Variants in ANO10 observed in about 807,000 individuals in gnomAD.
ANO10 encodes anoctamin 10, also known as anoctamin-10.
ANO10 carries 77 observed loss-of-function variants against 74.7 expected under a neutral mutation model. The ratio of observed to expected loss-of-function variants is 1.03; its 90% CI spans 0.86 to 1.25. ANO10 has a LOEUF of 1.25. Ranked by LOEUF, ANO10 falls within the 50% of genes most tolerant of loss-of-function variation. ANO10 has a pLI of 0.00. For synonymous variants in ANO10, 279 were observed against 284.9 expected (o/e 0.98, Z 0.21); for missense variants, 721 against 778.1 (o/e 0.93, Z 0.87).
intron 11 of ANO10, among the ~76,000 whole-genome samples, chr3:43,489,698 T>G (rs985046761): frequency 6.6e-6 from 1 of 152,158 alleles, no homozygotes. Context: ...GAACATATAG[T>G]TCAATTAACT....
chr3:43,510,880 A>C (rs2077483359), intron 11 of ANO10, among the ~76,000 whole-genome samples: 1 of 152,210 alleles, frequency 6.6e-6, no homozygotes, highest in Non-Finnish European at 1.5e-5. Context: ...TATGCTATTC[A>C]TATCTCCAGC....
chr3:43,403,437 G>A (rs1009709853), intron 12 of ANO10, among the ~76,000 whole-genome samples: 1 of 152,260 alleles, frequency 6.6e-6, no homozygotes, highest in Non-Finnish European at 1.5e-5. Flanking sequence ...CACATGAGGA[G>A]CTGGGGGGCT....
At chr3:43,686,712 A>G (rs145794924) in intron 1 of ANO10, among the ~76,000 whole-genome samples, 210 of 152,374 alleles carry the variant, frequency 1.4e-3, no homozygotes, top group African/African-American at 4.9e-3. Flanking sequence ...CACACTAGCC[A>G]AATTTCAGAT....
At chr3:43,480,616 A>G (rs2149084147) in intron 11 of ANO10, among the ~76,000 whole-genome samples, 2 of 152,248 alleles carry the variant, frequency 1.3e-5, no homozygotes, top group Middle Eastern at 3.4e-3. Flanking sequence ...AAGATAAAGG[A>G]GGGGGTTACA....
chr3:43,411,527 A>G (rs56209592), intron 12 of ANO10, among the ~76,000 whole-genome samples: 3,593 of 152,250 alleles, frequency 0.024, 150 homozygotes, highest in African/African-American at 0.081. Context: ...AATAGACACT[A>G]TATTTTTCTT....
chr3:43,656,025 C>G (rs1413655598), intron 1 of ANO10, among the ~76,000 whole-genome samples: 62 of 101,338 alleles, frequency 6.1e-4, no homozygotes, highest in Non-Finnish European at 1.8e-4. Flanking sequence ...CCCACCAGAG[C>G]AGCTAGATAC....
chr3:43,418,205 A>C (rs1189197445), intron 12 of ANO10, among the ~76,000 whole-genome samples: 1 of 152,256 alleles, frequency 6.6e-6, no homozygotes, highest in African/African-American at 2.4e-5. Flanking sequence ...TGAAACTGGG[A>C]GGCAGAAGTT....
intron 1 of ANO10, among the ~76,000 whole-genome samples, chr3:43,618,371 T>C (rs1291787434): frequency 6.6e-6 from 1 of 152,188 alleles, no homozygotes; most frequent in Non-Finnish European, 1.5e-5. Flanking sequence ...GAAGCACCAG[T>C]GAGGAAAACA....
Position 43,386,218 on chromosome 3 carries a change from T to G in ANO10, c.1915-19244A>C, listed in dbSNP as rs189165382. Among the ~76,000 whole-genome samples the G allele has an allele frequency of 1.1e-4, 16 of 152,256 alleles. No individual in the cohort carries two copies. The East Asian group carries it at 1.4e-3, about 13-fold the overall frequency. ...TTAAATCATTTTTGTTTGAAGGAAG[T>G]GCCTCTGCTTCTGGCTGATGGCCAC... is the stretch of plus-strand genomic sequence containing the variant. On this transcript the variant is annotated intron_variant, in intron 12 of 12. Coordinates refer to ENST00000292246, the MANE Select transcript of ANO10 (RefSeq NM_018075.5).
At chr3:43,477,961 C>G (rs1244115316) in intron 11 of ANO10, among the ~76,000 whole-genome samples, 2 of 152,206 alleles carry the variant, frequency 1.3e-5, no homozygotes, top group African/African-American at 2.4e-5. Context: ...TGGCCCATCT[C>G]TAAGGAAGTA....
chr3:43,566,312 C>T (rs968808854), intron 7 of ANO10, among the ~76,000 whole-genome samples: 9 of 152,238 alleles, frequency 5.9e-5, no homozygotes, highest in Admixed American at 2.6e-4. Flanking sequence ...AGCTGGGAAG[C>T]TCGAACTGGG....
chr3:43,505,888 T>C (rs1274592392), intron 11 of ANO10, among the ~76,000 whole-genome samples: 1 of 152,218 alleles, frequency 6.6e-6, no homozygotes, highest in African/African-American at 2.4e-5. Context: ...AAATTATTTT[T>C]ATGTTTCAAT....
intron 1 of ANO10, chr3:43,690,750 C>A (rs983329413): frequency 9.3e-6 from 4 of 428,056 alleles, no homozygotes; most frequent in Non-Finnish European, 1.2e-5. Context: ...TGTCCCGCCC[C>A]GCGCTTACAC....
At chr3:43,403,862 A>C (rs2092527710) in intron 12 of ANO10, among the ~76,000 whole-genome samples, 1 of 152,136 alleles carries the variant, frequency 6.6e-6, no homozygotes, top group Non-Finnish European at 1.5e-5. Context: ...GACACACCCT[A>C]GGGTAAGTCC....
intron 12 of ANO10, among the ~76,000 whole-genome samples, chr3:43,376,964 T>A (rs1327634450): frequency 6.6e-6 from 1 of 152,254 alleles, no homozygotes; most frequent in Non-Finnish European, 1.5e-5. Context: ...CATTCAGTGA[T>A]GTTACTAGGA....
At chr3:43,690,189 A>T (rs2084337419) in intron 1 of ANO10, 1 of 152,234 alleles carries the variant, frequency 6.6e-6, no homozygotes, top group South Asian at 2.1e-4. Context: ...GCTCCCGAGT[A>T]GCTGGAATTA....
intron 1 of ANO10, chr3:43,618,231 T>G (rs2083217946): frequency 6.6e-6 from 1 of 152,244 alleles, no homozygotes; most frequent in African/African-American, 2.4e-5. Flanking sequence ...TCCATGCCCT[T>G]AAGATTCCAC....
At position 43,398,481 on chromosome 3, in the gene ANO10, C is replaced by G. The variant is rs532436792; in HGVS notation, c.1915-31507G>C. Among the ~76,000 whole-genome samples the G allele has an allele frequency of 2.0e-5, 3 of 152,168 alleles. No homozygotes were observed. The South Asian group carries it at 6.2e-4, about 32-fold the overall frequency. ...ATTATAGAGAATAAAGAGTGAATTT[C>G]CCTTTCACAGTCTAACCTTGGTCTC... On this transcript the variant is annotated intron_variant, in intron 12 of 12. Coordinates refer to ENST00000292246, the MANE Select transcript of ANO10 (RefSeq NM_018075.5).
intron 11 of ANO10, among the ~76,000 whole-genome samples, chr3:43,535,538 T>G (rs577876721): frequency 6.6e-6 from 1 of 152,260 alleles, no homozygotes; most frequent in East Asian, 1.9e-4. Flanking sequence ...CCTCCCAAAG[T>G]GCTGGGATTA....
Sources: gnomAD v4.1 joint callset for allele counts (sites outside exome capture counted in the v4.1 genomes callset) on GRCh38, gnomAD v4.1.1 for gene constraint, MANE v1.5 for transcripts, NCBI Gene and HGNC (gene_info 2026-07-23, HGNC 2026-07-21) for gene names.